PSME4: variants seen among roughly 807,000 people sequenced by gnomAD.
The protein encoded by PSME4 is proteasome activator subunit 4, also known as proteasome activator complex subunit 4.
A neutral mutation model predicts 253.9 loss-of-function variants in PSME4; 89 were observed. That is an observed-to-expected ratio of 0.35 (90% CI 0.30 to 0.42). The LOEUF (loss-of-function observed/expected upper bound fraction) is 0.42, where lower values mean the gene tolerates loss of function less well. Ranked by LOEUF, PSME4 falls within the 10% of genes least tolerant of loss-of-function variation. PSME4 has a pLI of 1.00. For synonymous variants in PSME4, 851 were observed against 759.2 expected, an observed-to-expected ratio of 1.12 and a Z score of -1.99; for missense variants, 2,014 against 2,195.2, an observed-to-expected ratio of 0.92 and a Z score of 1.65.
rs367887513 is a variant in PSME4 at position 53,892,891 on chromosome 2, C to G, written c.4108G>C (p.Asp1370His). 3.1e-6 allele frequency: 5 copies of G among 1,613,694 alleles called. No individual in the cohort carries two copies. The African/African-American group carries it at 6.7e-5, about 22-fold the overall frequency. Reference sequence around the variant, plus strand: ...CATCGCTGGGTGCTTTCATGTGAATCTGCAACCAAATGTTCTAAATGGGGC... The same window carrying G: ...CATCGCTGGGTGCTTTCATGTGAATGTGCAACCAAATGTTCTAAATGGGGC... Reference protein sequence around the residue: ...LKPHLEHLVADSHESTQRCVA... With the variant: ...LKPHLEHLVAHSHESTQRCVA... Residue 1370 changes from aspartate (D) to histidine (H), a missense_variant, in exon 36 of 47, where the codon GAT becomes CAT. By Grantham distance (81) the Asp-to-His change is moderately conservative (BLOSUM62 -1). This residue lies in a region of PSME4 where 989 missense variants were observed against 1,021.1 expected (regional missense o/e 0.97). Transcript: ENST00000404125.
At chr2:53,880,093 G>C (rs1297893428) in intron 41 of PSME4, among the ~76,000 whole-genome samples, 1 of 152,146 alleles carries the variant, frequency 6.6e-6, no homozygotes, top group Non-Finnish European at 1.5e-5. Context: ...AGTAACTTAA[G>C]TTGGAAAATA....
rs566518184 is a variant in PSME4, at chr2:53,965,175, T to G, written c.242+5368A>C. The stretch of plus-strand genomic sequence containing the variant: ...CAGTAATCCATTCGCTTATTCTCCA[T>G]CCTTTTCCCGCCCTTTCCTCCAGAC... On this transcript the variant is annotated intron_variant, in intron 1 of 46. Coordinates refer to ENST00000404125, the MANE Select transcript of PSME4 (RefSeq NM_014614.3). Among the ~76,000 whole-genome samples, 15 of 151,874 alleles carry G rather than the reference T, an allele frequency of 9.9e-5. 1 individual carries two copies. The South Asian group carries it at 3.1e-3, about 32-fold the overall frequency.
In PSME4 at chr2:53,890,132, T is replaced by G. The variant is rs550886723; in HGVS notation, c.4268A>C (p.Asp1423Ala). 1 of 1,613,844 alleles carries G rather than the reference T, an allele frequency of 6.2e-7. No homozygotes were observed. The highest frequency in any genetic ancestry group is 1.1e-5 in the South Asian group (1 of 91,076). Residue 1423 changes from aspartate to alanine, a missense_variant, in exon 37 of 47, where the codon GAC becomes GCC. Asp to Ala is a moderately radical substitution (Grantham distance 126). Transcript: ENST00000404125. ...LSNITVETYN[D>A]WGACIATSCE... ...GGATGTTGCTATACAAGCTCCCCAG[T>G]CATTATAAGTTTCTACGGTAATATT...
Position 53,885,751 on chromosome 2 carries a change from G to A in PSME4, c.4754C>T (p.Ala1585Val), listed in dbSNP as rs1241380301. The A allele has an allele frequency of 1.9e-6, 3 of 1,612,642 alleles. No individual in the cohort carries two copies. The highest frequency in any genetic ancestry group is 2.5e-6 in the Non-Finnish European group (3 of 1,178,906). ...KTILKWLMASAGRSFSTAVTE... is the reference protein window; with the variant it reads ...KTILKWLMASVGRSFSTAVTE... The stretch of plus-strand genomic sequence containing the variant: ...AACTGCTGTAGAAAAGGATCTTCCT[G>A]CACTTGCCATCAGCCATTTCAATAC... The change falls in exon 41 of 47, where the codon GCA becomes GTA. Residue 1585 changes from alanine (A) to valine (V), a missense_variant. Coordinates refer to ENST00000404125, the MANE Select transcript of PSME4 (RefSeq NM_014614.3).
rs1232459737 is a variant in PSME4, at chr2:53,864,387, C to T, written c.*1191G>A. 1.4e-5 allele frequency: 2 copies of T among 145,968 alleles called. No homozygotes were observed. The highest frequency in any genetic ancestry group is 3.0e-5 in the Non-Finnish European group (2 of 66,568). 9.0% of individuals were successfully genotyped at this position (145,968 alleles called of 1,614,324 possible). ...TGGTGTTAGCATTGAGAGATGCACA[C>T]AAAAATGTTACATAAAAGTTCAGAC... On this transcript the variant is annotated 3_prime_UTR_variant, in exon 47 of 47. Coordinates refer to ENST00000404125, the MANE Select transcript of PSME4 (RefSeq NM_014614.3).
intron 1 of PSME4, among the ~76,000 whole-genome samples, chr2:53,965,468 A>G (rs1440112084): frequency 6.6e-6 from 1 of 151,930 alleles, no homozygotes; most frequent in Non-Finnish European, 1.5e-5. Flanking sequence ...AAGTAATCTC[A>G]GCCTCCCAAA....
At chr2:53,877,710 C>A (rs2104415638) in intron 41 of PSME4, among the ~76,000 whole-genome samples, 1 of 152,158 alleles carries the variant, frequency 6.6e-6, no homozygotes, top group South Asian at 2.1e-4. Context: ...GACAGACAGG[C>A]CAAAGACAGA....
chr2:53,900,979 A>G (rs1430796887), intron 28 of PSME4, among the ~76,000 whole-genome samples: 1 of 152,080 alleles, frequency 6.6e-6, no homozygotes, highest in East Asian at 2.0e-4. Flanking sequence ...TTTCTTCACT[A>G]TAAATTACGA....
At chr2:53,880,140 A>C (rs1679315394) in intron 41 of PSME4, among the ~76,000 whole-genome samples, 1 of 152,170 alleles carries the variant, frequency 6.6e-6, no homozygotes, top group Non-Finnish European at 1.5e-5. Flanking sequence ...TTTAGAGACA[A>C]AGAGGTGTGC....
Position 53,888,006 on chromosome 2 carries a change from G to C in PSME4, c.4389-17C>G, listed in dbSNP as rs182862605. 1 of 1,602,780 alleles carries C rather than the reference G, an allele frequency of 6.2e-7. No individual in the cohort carries two copies. Among genetic ancestry groups the C allele is most frequent in the Non-Finnish European group, 8.5e-7 (1 of 1,175,536 alleles). ...TAAAGTCGACTAAAATTAAAGCATC[G>C]TAGTGTTATATTGGAGGCCCTTTCT... is the stretch of plus-strand genomic sequence containing the variant. On this transcript the variant is annotated splice_polypyrimidine_tract_variant and intron_variant, in intron 38 of 46. Coordinates refer to ENST00000404125, the MANE Select transcript of PSME4 (RefSeq NM_014614.3).
chr2:53,946,159 C>T (rs1296252680), intron 3 of PSME4, among the ~76,000 whole-genome samples: 1 of 152,188 alleles, frequency 6.6e-6, no homozygotes, highest in Non-Finnish European at 1.5e-5. Context: ...TATTAATGAC[C>T]ACAAAGGACT....
At chr2:53,933,517 C>G (rs1002603565) in intron 8 of PSME4, among the ~76,000 whole-genome samples, 4 of 151,878 alleles carry the variant, frequency 2.6e-5, no homozygotes, top group Non-Finnish European at 1.5e-5. Context: ...GGAGCTAATA[C>G]CATAGGCATG....
intron 41 of PSME4, among the ~76,000 whole-genome samples, chr2:53,884,729 G>C (rs1318398994): frequency 6.6e-6 from 1 of 152,128 alleles, no homozygotes; most frequent in Non-Finnish European, 1.5e-5. Flanking sequence ...GTACTAGGCA[G>C]ACAAAGCCTA....
chr2:53,902,675 A>G (rs76143236), intron 27 of PSME4, among the ~76,000 whole-genome samples: 127 of 152,348 alleles, frequency 8.3e-4, no homozygotes, highest in Non-Finnish European at 1.4e-3. Flanking sequence ...CATCTGCACC[A>G]GGGGTCAGCA....
At chr2:53,872,310 T>A (rs777149811) in intron 43 of PSME4, among the ~76,000 whole-genome samples, 43 of 152,208 alleles carry the variant, frequency 2.8e-4, no homozygotes, top group Non-Finnish European at 5.1e-4. Flanking sequence ...CAGTAAGGTT[T>A]CTTTAAACAG....
At chr2:53,900,234 A>G (rs911392743) in intron 28 of PSME4, among the ~76,000 whole-genome samples, 9 of 152,108 alleles carry the variant, frequency 5.9e-5, no homozygotes, top group African/African-American at 2.2e-4. Context: ...AGCGACTGCT[A>G]TTAGGTACTT....
chr2:53,930,102 C>T (rs188740095), intron 10 of PSME4, among the ~76,000 whole-genome samples: 2 of 151,952 alleles, frequency 1.3e-5, no homozygotes, highest in Non-Finnish European at 1.5e-5. Flanking sequence ...CAAATTACAA[C>T]TGAAAGTCTC....
rs369042140 is a variant in PSME4 at position 53,874,532 on chromosome 2, C to T, written c.4945-38G>A. The T allele has an allele frequency of 3.6e-5, 57 of 1,582,044 alleles. No homozygotes were observed. In the East Asian group the frequency reaches 4.5e-4, roughly 12 times the overall value. ...AATAAATATAAACGATAAAGCAGTA[C>T]TGACAAGAACATGAGATGACAGATA... On this transcript the variant is annotated intron_variant, in intron 42 of 46. Coordinates refer to ENST00000404125, the MANE Select transcript of PSME4 (RefSeq NM_014614.3).
At chr2:53,895,796 A>G (rs1680112488) in intron 32 of PSME4, 60 bp from the exon 33 acceptor site, 2 of 1,439,698 alleles carry the variant, frequency 1.4e-6, no homozygotes, top group African/African-American at 1.4e-5. Flanking sequence ...AATTATTACC[A>G]AATTTCAATC....
Sources: gnomAD v4.1 joint callset for allele counts (sites outside exome capture counted in the v4.1 genomes callset) on GRCh38, gnomAD v4.1.1 for gene constraint, gnomAD v4.1.1 regional missense constraint, MANE v1.5 for transcripts, NCBI Gene and HGNC (gene_info 2026-07-23, HGNC 2026-07-21) for gene names.